Variants in SORCS2 observed in about 807,000 individuals in gnomAD.
SORCS2 encodes sortilin related VPS10 domain containing receptor 2, also known as VPS10 domain-containing receptor SorCS2.
SORCS2 carries 100 observed loss-of-function variants against 141.6 expected under a neutral mutation model. The ratio of observed to expected loss-of-function variants is 0.71; its 90% CI spans 0.60 to 0.83. The LOEUF is 0.83. Ranked by LOEUF, SORCS2 falls within the 40% of genes least tolerant of loss-of-function variation. The probability of loss-of-function intolerance (pLI) is 0.00; values close to 1 mark genes in which losing one functional copy is unlikely to be tolerated. For missense variants in SORCS2, 1,646 were observed against 1,560.2 expected (o/e 1.05, Z -0.93); for synonymous variants, 789 against 676.9 (o/e 1.17, Z -2.57).
At chr4:7,656,886 A>G (rs1355656276) in intron 5 of SORCS2, among the ~76,000 whole-genome samples, 4 of 152,182 alleles carry the variant, frequency 2.6e-5, no homozygotes, top group Non-Finnish European at 4.4e-5. Context: ...CTCAGCACAA[A>G]TGGGGTGAAA....
At chr4:7,443,045 ATT>A (rs1235166908) in intron 2 of SORCS2, among the ~76,000 whole-genome samples, 4 of 151,986 alleles carry the variant, frequency 2.6e-5, no homozygotes. Flanking sequence ...CTGTGTCCAA[ATT>A]TCCTTCTTCC....
At chr4:7,380,514 A>G (rs995200296) in intron 1 of SORCS2, among the ~76,000 whole-genome samples, 3 of 152,168 alleles carry the variant, frequency 2.0e-5, no homozygotes, top group Non-Finnish European at 4.4e-5. Context: ...AAAGTGAGGT[A>G]GTTCTGTTGC....
intron 19 of SORCS2, among the ~76,000 whole-genome samples, chr4:7,724,935 G>GTGATGGTGGTGGTGT (rs1727085580): frequency 3.5e-4 from 21 of 59,456 alleles, no homozygotes; most frequent in African/African-American, 1.2e-3. Flanking sequence ...GGTGGTAGTA[G>GTGATGGTGGTGGTGT]TGGTGATGGT....
chr4:7,454,571 G>A (rs1728739045), intron 2 of SORCS2, among the ~76,000 whole-genome samples: 1 of 129,460 alleles, frequency 7.7e-6, no homozygotes, highest in Non-Finnish European at 1.6e-5. Flanking sequence ...GGGGTCAGGA[G>A]CTGTGTGTTG....
At chr4:7,702,168 G>GTTC (rs1316189784) in intron 12 of SORCS2, among the ~76,000 whole-genome samples, 3 of 152,178 alleles carry the variant, frequency 2.0e-5, no homozygotes, top group East Asian at 3.9e-4. Context: ...GCCTGGGGTG[G>GTTC]CTGTCCTCTG....
In SORCS2 at chr4:7,737,003, A is replaced by G. The variant is rs6840685; in HGVS notation, c.3312-66A>G. On this transcript the variant is annotated intron_variant, in intron 25 of 26. Coordinates refer to ENST00000507866, the MANE Select transcript of SORCS2 (RefSeq NM_020777.3). The stretch of plus-strand genomic sequence containing the variant: ...TCGGTGTGGTCAGGCGGCCAGCGGA[A>G]GGCTCCAGGGACAGGCGGCCTGGGA... The G allele has an allele frequency of 2.1e-5, 33 of 1,538,106 alleles. No homozygotes were observed. The Admixed American group carries it at 6.1e-4, about 29-fold the overall frequency.
rs149691078 is a variant in SORCS2 at position 7,545,692 on chromosome 4, C to A, written c.648+14063C>A. 2.2e-4 allele frequency among the ~76,000 whole-genome samples: 33 copies of A among 152,122 alleles called. No individual in the cohort carries two copies. The South Asian group carries it at 6.8e-3, about 32-fold the overall frequency. ...CCCCGCTGCATCAGCAGACTCCAATCTCACCCCACAGGCCCTGGAGAGCCT... is the reference window on the plus strand; with the variant it reads ...CCCCGCTGCATCAGCAGACTCCAATATCACCCCACAGGCCCTGGAGAGCCT... On this transcript the variant is annotated intron_variant, in intron 3 of 26. Transcript: ENST00000507866.
intron 23 of SORCS2, 36 bp downstream of exon 23, chr4:7,729,748 C>G: frequency 6.3e-7 from 1 of 1,595,214 alleles, no homozygotes; most frequent in Non-Finnish European, 8.6e-7. Context: ...CAGGTCCTCC[C>G]TGCACATCCC....
intron 13 of SORCS2, 26 bp from the exon 14 acceptor site, chr4:7,704,151 A>G: frequency 6.3e-7 from 1 of 1,599,590 alleles, no homozygotes; most frequent in Non-Finnish European, 8.5e-7. Flanking sequence ...CCCACCCCAG[A>G]GATGCTGACG....
intron 1 of SORCS2, among the ~76,000 whole-genome samples, chr4:7,229,495 T>A (rs1001598707): frequency 1.3e-5 from 2 of 151,860 alleles, no homozygotes; most frequent in African/African-American, 4.8e-5. Context: ...CCAGGGAGAG[T>A]CCACGCTGGA....
chr4:7,309,973 G>A (rs908981248), intron 1 of SORCS2, among the ~76,000 whole-genome samples: 3 of 152,230 alleles, frequency 2.0e-5, no homozygotes, highest in East Asian at 1.9e-4. Context: ...AGGAGCAGGC[G>A]CTGGGAAATG....
At position 7,434,723 on chromosome 4, in the gene SORCS2, C is replaced by T. The variant is rs368043627; in HGVS notation, c.548+38368C>T. 3.2e-5 allele frequency: 51 copies of T among 1,612,978 alleles called. No homozygotes were observed. The Middle Eastern group carries it at 8.2e-4, about 26-fold the overall frequency. ...GACTTCGCGGTGGGTTTGTTCCATA[C>T]GGCCCCTTGGCAGTACCCCACAGCC... On this transcript the variant is annotated intron_variant, in intron 2 of 26. Coordinates refer to ENST00000507866, the MANE Select transcript of SORCS2 (RefSeq NM_020777.3).
intron 1 of SORCS2, among the ~76,000 whole-genome samples, chr4:7,377,751 G>A (rs1437919517): frequency 2.0e-5 from 3 of 152,166 alleles, no homozygotes; most frequent in Admixed American, 1.3e-4. Context: ...TACATGGGGA[G>A]CCTGATTTGA....
intron 11 of SORCS2, among the ~76,000 whole-genome samples, chr4:7,693,823 A>T (rs1335149883): frequency 1.3e-5 from 2 of 152,186 alleles, no homozygotes; most frequent in South Asian, 2.1e-4. Flanking sequence ...TCAAGGGCCC[A>T]TCAATGTCAG....
At position 7,460,968 on chromosome 4, in the gene SORCS2, C is replaced by A. The variant is rs75281034; in HGVS notation, c.548+64613C>A. On this transcript the variant is annotated intron_variant, in intron 2 of 26. Coordinates refer to ENST00000507866, the MANE Select transcript of SORCS2 (RefSeq NM_020777.3). Reference sequence around the variant, plus strand: ...CCATCGAGGATTTCATTTCTCCCCCCTCTCTTTCCATCATCCTCGTGCTGC... The same window carrying A: ...CCATCGAGGATTTCATTTCTCCCCCATCTCTTTCCATCATCCTCGTGCTGC... Among the ~76,000 whole-genome samples, 1,094 of 152,236 alleles carry A rather than the reference C, an allele frequency of 7.2e-3. 9 individuals are homozygous for A. Among genetic ancestry groups the A allele is most frequent in the Non-Finnish European group, 9.8e-3 (670 of 68,022 alleles).
intron 2 of SORCS2, among the ~76,000 whole-genome samples, chr4:7,466,652 G>A (rs972920331): frequency 5.9e-5 from 9 of 152,182 alleles, no homozygotes; most frequent in Non-Finnish European, 1.2e-4. Flanking sequence ...GGCAGTAGCT[G>A]GTGAGGACTG....
At chr4:7,656,360 C>T (rs565498232) in intron 5 of SORCS2, among the ~76,000 whole-genome samples, 19 of 152,292 alleles carry the variant, frequency 1.2e-4, no homozygotes, top group African/African-American at 4.6e-4. Context: ...AGCAGCTGCC[C>T]CGCAGCCATC....
At chr4:7,528,046 T>TCTCTCTCTCTCTCTCTCCCCCC (rs1300598361) in intron 2 of SORCS2, among the ~76,000 whole-genome samples, 1 of 151,448 alleles carries the variant, frequency 6.6e-6, no homozygotes, top group Non-Finnish European at 1.5e-5. Flanking sequence ...TCTCTCTGTC[T>TCTCTCTCTCTCTCTCTCCCCCC]CTCTCTGTCT....
In SORCS2 at chr4:7,609,026, GA is replaced by G. The variant is rs1486506999; in HGVS notation, c.649-29301del. Among the ~76,000 whole-genome samples, 3 of 152,204 alleles carry G rather than the reference GA, an allele frequency of 2.0e-5. No individual in the cohort carries two copies. The East Asian group carries it at 5.8e-4, about 29-fold the overall frequency. On this transcript the variant is annotated intron_variant, in intron 3 of 26. Transcript: ENST00000507866. ...ACAATAGGGGTGAACATGAGGTTCT[GA>G]GCGGTCCTGGGGAGTCTCAGGCAGT...
Sources: gnomAD v4.1 joint callset for allele counts (sites outside exome capture counted in the v4.1 genomes callset) on GRCh38, gnomAD v4.1.1 for gene constraint, MANE v1.5 for transcripts, NCBI Gene and HGNC (gene_info 2026-07-23, HGNC 2026-07-21) for gene names.